The following SLC39A9 variants were observed in gnomAD, a reference collection of about 807,000 sequenced individuals.
SLC39A9 encodes the protein solute carrier family 39 member 9.
Under a neutral mutation model 28.4 loss-of-function variants are expected in SLC39A9, and 14 were observed. The ratio of observed to expected loss-of-function variants is 0.49; its 90% CI spans 0.33 to 0.77. SLC39A9 has a LOEUF of 0.77. Among genes scored for constraint, SLC39A9 ranks in the 30% least tolerant of loss-of-function variants. The probability of loss-of-function intolerance (pLI) is 0.02; values close to 1 mark genes in which losing one functional copy is unlikely to be tolerated. For synonymous variants in SLC39A9, 119 were observed against 149.6 expected, an observed-to-expected ratio of 0.80 and a Z score of 1.49; for missense variants, 283 against 381.1, an observed-to-expected ratio of 0.74 and a Z score of 2.14.
intron 6 of SLC39A9, among the ~76,000 whole-genome samples, chr14:69,456,868 G>A (rs536730839): frequency 6.4e-4 from 98 of 152,276 alleles, no homozygotes; most frequent in Non-Finnish European, 8.5e-4. Flanking sequence ...TTAAGCAAGG[G>A]TTTGTTGATC....
intron 2 of SLC39A9, among the ~76,000 whole-genome samples, chr14:69,432,216 C>G (rs530353949): frequency 6.6e-6 from 1 of 152,220 alleles, no homozygotes; most frequent in Admixed American, 6.5e-5. Flanking sequence ...CCTAGCCTTG[C>G]CAGCATGTTG....
rs1470679632 is a variant in SLC39A9, at chr14:69,453,251, A to C, written c.414A>C (p.Ala138=). The part of the protein sequence containing the change: ...SHVHSTDDPE[A]ARSSNSKITT... ...TCATTTTCACTTTAGATCCAGAAGCAGCAAGGTCTAGCAATTCCAAAATCA... is the reference window on the plus strand; with the variant it reads ...TCATTTTCACTTTAGATCCAGAAGCCGCAAGGTCTAGCAATTCCAAAATCA... The change falls in exon 4 of 7, where the codon GCA becomes GCC. Residue 138 remains alanine (A), a synonymous_variant. Coordinates refer to ENST00000336643, the MANE Select transcript of SLC39A9 (RefSeq NM_018375.5). 6.2e-7 allele frequency: 1 copy of C among 1,613,906 alleles called. No individual in the cohort carries two copies. Among genetic ancestry groups the C allele is most frequent in the Non-Finnish European group, 8.5e-7 (1 of 1,179,814 alleles).
chr14:69,440,323 C>T (rs1884981263), intron 2 of SLC39A9, among the ~76,000 whole-genome samples: 1 of 152,014 alleles, frequency 6.6e-6, no homozygotes, highest in Non-Finnish European at 1.5e-5. Flanking sequence ...GTGGCTCAAG[C>T]CTGTAACCCC....
chr14:69,413,050 C>T (rs145579256), intron 1 of SLC39A9, among the ~76,000 whole-genome samples: 16 of 152,180 alleles, frequency 1.1e-4, no homozygotes, highest in African/African-American at 3.9e-4. Flanking sequence ...ATAGATCAGT[C>T]ATATATTTAA....
chr14:69,427,161 C>T (rs1170357692), intron 2 of SLC39A9, among the ~76,000 whole-genome samples: 5 of 152,100 alleles, frequency 3.3e-5, no homozygotes, highest in South Asian at 4.1e-4. Flanking sequence ...TGACACCACA[C>T]CCAGCTAATT....
chr14:69,450,550 A>G (rs944607024), intron 3 of SLC39A9, among the ~76,000 whole-genome samples: 2 of 152,102 alleles, frequency 1.3e-5, no homozygotes, highest in African/African-American at 2.4e-5. Context: ...CAAAGTGGGA[A>G]GATGGCTTGA....
intron 3 of SLC39A9, among the ~76,000 whole-genome samples, chr14:69,442,684 T>C (rs1885105041): frequency 6.6e-6 from 1 of 152,222 alleles, no homozygotes; most frequent in African/African-American, 2.4e-5. Flanking sequence ...ATTTGTGATA[T>C]AGTAATGTAT....
At chr14:69,444,922 C>T (rs1425411494) in intron 3 of SLC39A9, among the ~76,000 whole-genome samples, 4 of 151,816 alleles carry the variant, frequency 2.6e-5, no homozygotes, top group South Asian at 2.1e-4. Context: ...GAGCTATGAT[C>T]GCATAACTGC....
chr14:69,459,205 G>C lies in SLC39A9; in HGVS notation c.*612G>C, dbSNP rs1594957288. ...CTCAAAAGAGATATCCATTGAAAAGGGATGTCTAGAGGGATTTAAACAGCT... is the reference window on the plus strand; with the variant it reads ...CTCAAAAGAGATATCCATTGAAAAGCGATGTCTAGAGGGATTTAAACAGCT... On this transcript the variant is annotated 3_prime_UTR_variant, in exon 7 of 7. Transcript: ENST00000336643. 1.0e-6 allele frequency: 1 copy of C among 985,516 alleles called. No homozygotes were observed. Among genetic ancestry groups the C allele is most frequent in the East Asian group, 1.1e-4 (1 of 8,820 alleles). The allele number at this position is 985,516 out of a possible 1,614,324, so 61.0% of individuals were successfully genotyped here.
intron 1 of SLC39A9, 62 bp downstream of exon 1, chr14:69,399,527 C>G: frequency 1.5e-6 from 2 of 1,320,420 alleles, no homozygotes; most frequent in Non-Finnish European, 2.2e-6. Flanking sequence ...GTTTTAGTTG[C>G]AAAGGGAAGC....
At chr14:69,408,682 AAAC>A (rs1394376789) in intron 1 of SLC39A9, among the ~76,000 whole-genome samples, 1 of 152,192 alleles carries the variant, frequency 6.6e-6, no homozygotes, top group Admixed American at 6.5e-5. Context: ...TGCGTGGGCC[AAAC>A]AACCCATGTT....
chr14:69,457,542 A>AT (rs1480543194), intron 6 of SLC39A9, among the ~76,000 whole-genome samples: 2 of 151,884 alleles, frequency 1.3e-5, no homozygotes, highest in Non-Finnish European at 2.9e-5. Flanking sequence ...CAACTACTGC[A>AT]TCTTGATTAC....
Position 69,459,191 on chromosome 14 carries a change from T to A in SLC39A9, c.*598T>A. ...AAGCTCTCTTTATACTCAAAAGAGATATCCATTGAAAAGGGATGTCTAGAG... is the reference window on the plus strand; with the variant it reads ...AAGCTCTCTTTATACTCAAAAGAGAAATCCATTGAAAAGGGATGTCTAGAG... On this transcript the variant is annotated 3_prime_UTR_variant, in exon 7 of 7. Coordinates refer to ENST00000336643, the MANE Select transcript of SLC39A9 (RefSeq NM_018375.5). 1 of 985,582 alleles carries A rather than the reference T, an allele frequency of 1.0e-6. No individual in the cohort carries two copies. The highest frequency in any genetic ancestry group is 1.2e-6 in the Non-Finnish European group (1 of 830,000). 61.1% of individuals were successfully genotyped at this position (985,582 alleles called of 1,614,324 possible). A position where few individuals can be genotyped will look rare whatever the true frequency, so the allele number is the denominator to read the frequency against.
At chr14:69,405,706 G>A (rs896231722) in intron 1 of SLC39A9, among the ~76,000 whole-genome samples, 1 of 152,144 alleles carries the variant, frequency 6.6e-6, no homozygotes, top group Admixed American at 6.6e-5. Flanking sequence ...TGTTTCATAA[G>A]GATCCTTGAT....
chr14:69,421,991 C>T (rs1883925606), intron 1 of SLC39A9, among the ~76,000 whole-genome samples: 1 of 152,154 alleles, frequency 6.6e-6, no homozygotes, highest in African/African-American at 2.4e-5. Context: ...CCTGCTTCAG[C>T]TCACCCTCCC....
At chr14:69,406,596 G>A (rs1882925032) in intron 1 of SLC39A9, among the ~76,000 whole-genome samples, 1 of 151,596 alleles carries the variant, frequency 6.6e-6, no homozygotes, top group Non-Finnish European at 1.5e-5. Flanking sequence ...GCTGAGGCAG[G>A]AGAATTGCTT....
In SLC39A9 at chr14:69,461,825, G is replaced by GC; in HGVS notation, c.*3236dup. On this transcript the variant is annotated 3_prime_UTR_variant, in exon 7 of 7. Coordinates refer to ENST00000336643, the MANE Select transcript of SLC39A9 (RefSeq NM_018375.5). ...CCCAAAGGATGTTCCTGCCTTGTGG[G>GC]CCCCTGAGCCCCTTGGGAGACTGAG... The GC allele has an allele frequency of 1.5e-6, 2 of 1,349,670 alleles. No homozygotes were observed. Among genetic ancestry groups the GC allele is most frequent in the East Asian group, 2.5e-5 (1 of 39,510 alleles). 83.6% of individuals were successfully genotyped at this position (1,349,670 alleles called of 1,614,324 possible).
chr14:69,448,237 C>CAA (rs889854438), intron 3 of SLC39A9, among the ~76,000 whole-genome samples: 2 of 123,046 alleles, frequency 1.6e-5, no homozygotes, highest in Non-Finnish European at 3.5e-5. Context: ...AAAAAAAGCA[C>CAA]AAAAAAAAAT....
chr14:69,427,897 A>G (rs1216926717), intron 2 of SLC39A9, among the ~76,000 whole-genome samples: 2 of 152,248 alleles, frequency 1.3e-5, no homozygotes, highest in African/African-American at 4.8e-5. Context: ...TTGGAGCAAC[A>G]TGAATTCTGC....
Sources: allele counts gnomAD v4.1 joint callset (sites outside exome capture counted in the v4.1 genomes callset), GRCh38; gene constraint gnomAD v4.1.1; transcripts MANE v1.5; gene names NCBI Gene and HGNC (gene_info 2026-07-23, HGNC 2026-07-21).